MCOLN2: variants seen among roughly 807,000 people sequenced by gnomAD.
MCOLN2 encodes mucolipin-2.
Under a neutral mutation model 67.5 loss-of-function variants are expected in MCOLN2, and 57 were observed. The observed-to-expected ratio is 0.84, with a 90% confidence interval of 0.68 to 1.05. The LOEUF (loss-of-function observed/expected upper bound fraction) is 1.05. MCOLN2 is among the 50% of genes least tolerant of loss of function. MCOLN2 has a pLI of 0.00. For missense variants in MCOLN2, 620 were observed against 678.8 expected (o/e 0.91, Z 0.96); for synonymous variants, 246 against 233.3 (o/e 1.05, Z -0.50).
At chr1:84,993,663 G>A (rs1232966532) in intron 1 of MCOLN2, among the ~76,000 whole-genome samples, 4 of 130,744 alleles carry the variant, frequency 3.1e-5, no homozygotes, top group African/African-American at 5.8e-5. Context: ...TCGCTCTGTC[G>A]CCCAGGCCGG....
intron 1 of MCOLN2, among the ~76,000 whole-genome samples, chr1:84,976,882 A>G (rs185913179): frequency 3.7e-4 from 56 of 152,350 alleles, no homozygotes; most frequent in African/African-American, 1.3e-3. Context: ...ATTAATGAGC[A>G]ATAAGTAATC....
At position 84,937,679 on chromosome 1, in the gene MCOLN2, G is replaced by T. The variant is rs975152295; in HGVS notation, c.1335+76C>A. The stretch of plus-strand genomic sequence containing the variant: ...GGTACATGCTAGAGAAGACCAGGAA[G>T]CAAGTAAGTGCTAGAAACCCACGTT... On this transcript the variant is annotated intron_variant, in intron 11 of 13. Transcript: ENST00000370608. 1.9e-6 allele frequency: 3 copies of T among 1,580,346 alleles called. No individual in the cohort carries two copies. The Admixed American group carries it at 5.5e-5, about 29-fold the overall frequency.
chr1:84,966,157 CAGG>C (rs1346205246), intron 1 of MCOLN2, among the ~76,000 whole-genome samples: 1 of 152,034 alleles, frequency 6.6e-6, no homozygotes, highest in Non-Finnish European at 1.5e-5. Context: ...GAGGCTGAGG[CAGG>C]AGAATTGCTT....
chr1:84,940,452 ATAAAG>A (rs887546737), intron 8 of MCOLN2, among the ~76,000 whole-genome samples: 7 of 152,324 alleles, frequency 4.6e-5, no homozygotes, highest in African/African-American at 1.7e-4. Context: ...TAAAAACAGA[ATAAAG>A]TATTTTATGC....
rs754770115 is a variant in MCOLN2 at position 84,996,857 on chromosome 1, A to C, written c.16T>G (p.Tyr6Asp). 4 of 1,614,084 alleles carry C rather than the reference A, an allele frequency of 2.5e-6. No homozygotes were observed. The South Asian group carries it at 4.4e-5, about 18-fold the overall frequency. ...GGAATCCTTGCCTGGGGAAAACGAT[A>C]AGGCTGCCGGGCCATGCCTCCTCCT... MARQP[Y>D]RFPQARIPER... Residue 6 changes from tyrosine (Y) to aspartate (D), a missense_variant, in exon 1 of 14, where the codon TAT becomes GAT. Physicochemically the swap from Tyr to Asp is radical, Grantham distance 160. Coordinates refer to ENST00000370608, the MANE Select transcript of MCOLN2 (RefSeq NM_153259.4).
Position 84,937,798 on chromosome 1 carries a change from TA to T in MCOLN2, c.1291del (p.Tyr431ThrfsTer9). The stretch of plus-strand genomic sequence containing the variant: ...TAAGACAATCCAGCCACAGAATGTG[TA>T]ACCCAGATAAATCATACCAGCACAA... ...CACAGMIYLGYTFCGWIVLGP... is the reference protein window; with the variant it reads ...CACAGMIYLGXTFCGWIVLGP... On this transcript the variant is annotated frameshift_variant, in exon 11 of 14. Transcript: ENST00000370608. LOFTEE classifies it high-confidence loss of function. 1.9e-6 allele frequency: 3 copies of T among 1,614,126 alleles called. No individual in the cohort carries two copies. The highest frequency in any genetic ancestry group is 2.5e-6 in the Non-Finnish European group (3 of 1,180,008).
At chr1:84,952,777 C>A (rs911207359) in intron 4 of MCOLN2, among the ~76,000 whole-genome samples, 2 of 152,224 alleles carry the variant, frequency 1.3e-5, no homozygotes, top group Non-Finnish European at 1.5e-5. Context: ...ACATGTACCT[C>A]CTGATACAAT....
intron 4 of MCOLN2, among the ~76,000 whole-genome samples, chr1:84,955,144 TCTC>T (rs1357352246): frequency 2.0e-5 from 3 of 152,162 alleles, no homozygotes; most frequent in African/African-American, 7.2e-5. Flanking sequence ...GCTCTGCACT[TCTC>T]CTTCCTGCCA....
chr1:84,935,951 G>A (rs1266979784), intron 11 of MCOLN2, among the ~76,000 whole-genome samples: 2 of 152,200 alleles, frequency 1.3e-5, no homozygotes, highest in Admixed American at 6.5e-5. Flanking sequence ...CAGGCTAAAT[G>A]CTCTCTTGCA....
intron 1 of MCOLN2, among the ~76,000 whole-genome samples, chr1:84,984,033 A>G (rs749326397): frequency 3.3e-5 from 5 of 152,148 alleles, no homozygotes; most frequent in Non-Finnish European, 7.3e-5. Context: ...GGTATTATCA[A>G]TTTGAATCCT....
chr1:84,956,630 C>G, intron 3 of MCOLN2, 46 bp from the exon 4 acceptor site: 1 of 1,499,110 alleles, frequency 6.7e-7, no homozygotes, highest in South Asian at 1.3e-5. Flanking sequence ...CCTTTTATAA[C>G]TTTGATCAGA....
chr1:84,979,070 T>C (rs756233898), intron 1 of MCOLN2, among the ~76,000 whole-genome samples: 1 of 152,166 alleles, frequency 6.6e-6, no homozygotes, highest in Non-Finnish European at 1.5e-5. Context: ...TGGCAGCTGA[T>C]TAGATTGTGT....
At chr1:84,949,590 G>C (rs187091001) in intron 6 of MCOLN2, among the ~76,000 whole-genome samples, 8 of 152,222 alleles carry the variant, frequency 5.3e-5, no homozygotes, top group Admixed American at 2.0e-4. Flanking sequence ...GCAGTGAGCG[G>C]AGATTGTGCC....
At position 84,965,538 on chromosome 1, in the gene MCOLN2, A is replaced by G; in HGVS notation, c.237+11T>C. On this transcript the variant is annotated intron_variant, in intron 2 of 13. Coordinates refer to ENST00000370608, the MANE Select transcript of MCOLN2 (RefSeq NM_153259.4). ...AAGGGAAAAACCAAATGAAATAATA[A>G]GATAGGTTACCTGTGTGGTGACCAT... The G allele has an allele frequency of 1.2e-6, 2 of 1,610,048 alleles. No homozygotes were observed. The highest frequency in any genetic ancestry group is 2.2e-5 in the East Asian group (1 of 44,876).
intron 11 of MCOLN2, among the ~76,000 whole-genome samples, chr1:84,933,933 T>C (rs1268789536): frequency 6.6e-6 from 1 of 152,218 alleles, no homozygotes; most frequent in Non-Finnish European, 1.5e-5. Flanking sequence ...CAGTCAATTT[T>C]AGGTGTTTGG....
At chr1:84,982,246 C>G (rs1650296439) in intron 1 of MCOLN2, among the ~76,000 whole-genome samples, 1 of 152,010 alleles carries the variant, frequency 6.6e-6, no homozygotes, top group Non-Finnish European at 1.5e-5. Flanking sequence ...GCTAATGACA[C>G]TATGAAGTCA....
At chr1:84,939,399 G>A (rs538541870) in intron 9 of MCOLN2, among the ~76,000 whole-genome samples, 154 bp downstream of exon 9, 1 of 152,188 alleles carries the variant, frequency 6.6e-6, no homozygotes, top group Admixed American at 6.5e-5. Flanking sequence ...TTCCCTTCAC[G>A]AGGAACCAAG....
intron 1 of MCOLN2, among the ~76,000 whole-genome samples, chr1:84,974,577 G>C (rs1250947820): frequency 6.6e-6 from 1 of 152,000 alleles, no homozygotes; most frequent in Non-Finnish European, 1.5e-5. Context: ...ACCCATTCCT[G>C]GCAGCATTCA....
intron 8 of MCOLN2, 69 bp downstream of exon 8, chr1:84,940,810 G>A: frequency 2.1e-6 from 2 of 951,336 alleles, no homozygotes; most frequent in South Asian, 3.2e-5. Context: ...CAATATCGGT[G>A]GTCCACTGCT....
Sources: allele counts gnomAD v4.1 joint callset (sites outside exome capture counted in the v4.1 genomes callset), GRCh38; gene constraint gnomAD v4.1.1; transcripts MANE v1.5; gene names NCBI Gene and HGNC (gene_info 2026-07-23, HGNC 2026-07-21).